The following EYS variants were observed in gnomAD, a reference collection of about 807,000 sequenced individuals.
The protein encoded by EYS is EGF-like photoreceptor maintenance factor, also known as protein eyes shut homolog.
Under a neutral mutation model 282.1 loss-of-function variants are expected in EYS, and 250 were observed. The observed-to-expected ratio is 0.89, with a 90% CI of 0.80 to 0.98. The LOEUF (loss-of-function observed/expected upper bound fraction) is 0.98. EYS is among the 50% of genes least tolerant of loss of function. EYS has a pLI of 0.00. For missense variants in EYS, 4,016 were observed against 3,709.0 expected, an observed-to-expected ratio of 1.08 and a Z score of -2.15; for synonymous variants, 1,355 against 1,282.9, an observed-to-expected ratio of 1.06 and a Z score of -1.20.
intron 26 of EYS, among the ~76,000 whole-genome samples, chr6:64,497,475 A>G (rs1187311469): frequency 6.6e-6 from 1 of 152,180 alleles, no homozygotes; most frequent in African/African-American, 2.4e-5. Context: ...AGATGGGCAC[A>G]GTGTGATTGC....
At chr6:63,765,412 T>A (rs1769762415) in intron 40 of EYS, among the ~76,000 whole-genome samples, 1 of 151,694 alleles carries the variant, frequency 6.6e-6, no homozygotes, top group South Asian at 2.1e-4. Context: ...AGAGTGAGAT[T>A]TGCCCGTATA....
intron 35 of EYS, among the ~76,000 whole-genome samples, chr6:63,891,288 G>C (rs1187768663): frequency 2.0e-5 from 3 of 152,104 alleles, no homozygotes; most frequent in African/African-American, 7.2e-5. Context: ...AGCAAAAAAA[G>C]ATCATTTCAG....
intron 22 of EYS, among the ~76,000 whole-genome samples, chr6:64,703,368 C>T (rs1327092866): frequency 3.2e-5 from 3 of 94,024 alleles, no homozygotes; most frequent in Non-Finnish European, 7.0e-5. Flanking sequence ...CATACACATA[C>T]AAACACACAC....
At chr6:65,655,723 A>G (rs146312939) in intron 1 of EYS, among the ~76,000 whole-genome samples, 2,073 of 151,888 alleles carry the variant, frequency 0.014, 16 homozygotes, top group African/African-American at 0.018. Context: ...ATGTGACTGA[A>G]TTGCTGCAAT....
intron 29 of EYS, among the ~76,000 whole-genome samples, chr6:64,364,173 T>A (rs1772116066): frequency 6.6e-6 from 1 of 151,880 alleles, no homozygotes; most frequent in East Asian, 1.9e-4. Flanking sequence ...AGGGACCACG[T>A]AATTCCATAA....
At chr6:64,916,709 G>T (rs991579994) in intron 15 of EYS, among the ~76,000 whole-genome samples, 1 of 152,044 alleles carries the variant, frequency 6.6e-6, no homozygotes, top group Non-Finnish European at 1.5e-5. Context: ...AAAATGCAAA[G>T]CACATACCGT....
chr6:64,902,144 T>G lies in EYS; in HGVS notation c.2815A>C (p.Asn939His). Residue 939 changes from asparagine (N) to histidine (H), a missense_variant, in exon 18 of 43, where the codon AAT becomes CAT. Physicochemically the swap from Asn to His is moderately conservative, Grantham distance 68. Transcript: ENST00000503581. ...GTCAGATCCACACATGTTCCATTAT[T>G]TTTGCAAGGTTCAGAGGAACATTCA... ...INECSSEPCK[N>H]NGTCVDLTNR... 7 of 1,548,500 alleles carry G rather than the reference T, an allele frequency of 4.5e-6. No individual in the cohort carries two copies. Among genetic ancestry groups the G allele is most frequent in the Non-Finnish European group, 6.1e-6 (7 of 1,145,968 alleles).
At chr6:63,823,545 A>C (rs79755373) in intron 36 of EYS, among the ~76,000 whole-genome samples, 1 of 152,268 alleles carries the variant, frequency 6.6e-6, no homozygotes, top group East Asian at 1.9e-4. Context: ...CTCTAAGAAA[A>C]AAATTTCTCA....
At chr6:64,280,545 A>G (rs1359849856) in intron 30 of EYS, among the ~76,000 whole-genome samples, 1 of 152,148 alleles carries the variant, frequency 6.6e-6, no homozygotes, top group African/African-American at 2.4e-5. Flanking sequence ...ACTCCACCAT[A>G]AATTTATACA....
At chr6:65,328,970 C>G (rs1431753373) in intron 11 of EYS, among the ~76,000 whole-genome samples, 1 of 151,070 alleles carries the variant, frequency 6.6e-6, no homozygotes, top group Admixed American at 6.6e-5. Flanking sequence ...GCATAAAAGG[C>G]TGCATGAAAC....
chr6:64,936,928 C>A (rs1419267816), intron 15 of EYS, among the ~76,000 whole-genome samples: 1 of 151,154 alleles, frequency 6.6e-6, no homozygotes, highest in Non-Finnish European at 1.5e-5. Context: ...TCAAACTTAC[C>A]AAAAGCTACA....
rs1170780466 is a variant in EYS, at chr6:64,864,388, T to C, written c.2992+22309A>G. Among the ~76,000 whole-genome samples, 21 of 116,548 alleles carry C rather than the reference T, an allele frequency of 1.8e-4. 1 individual carries two copies. Among genetic ancestry groups the C allele is most frequent in the Non-Finnish European group, 2.4e-4 (13 of 54,712 alleles). The allele number at this position is 116,548 out of a possible 152,430, so 76.5% of individuals were successfully genotyped here. On this transcript the variant is annotated intron_variant, in intron 19 of 42. Transcript: ENST00000503581. ...AAATACAGAGGTGCTATACCTTCTT[T>C]TTTTTTTTTTTTTTTTTTGACAGAA...
At chr6:64,295,430 GAA>G (rs1768903448) in intron 30 of EYS, among the ~76,000 whole-genome samples, 3 of 38 alleles carry the variant, frequency 0.079, no homozygotes, top group African/African-American at 0.12. Flanking sequence ...AGAAGAAGAA[GAA>G]GAGGAAGAAG....
intron 26 of EYS, among the ~76,000 whole-genome samples, chr6:64,544,000 C>T (rs994685898): frequency 6.6e-6 from 1 of 152,132 alleles, no homozygotes; most frequent in Non-Finnish European, 1.5e-5. Flanking sequence ...ATTTCTTATT[C>T]ATAGAAAGAA....
chr6:63,743,586 CAG>C (rs771103014), intron 41 of EYS, among the ~76,000 whole-genome samples: 46 of 152,230 alleles, frequency 3.0e-4, no homozygotes, highest in Non-Finnish European at 6.0e-4. Context: ...GATGGAAGGA[CAG>C]GGCAATTTTT....
chr6:63,903,885 C>G (rs988127399), intron 35 of EYS, among the ~76,000 whole-genome samples: 1 of 152,144 alleles, frequency 6.6e-6, no homozygotes, highest in Non-Finnish European at 1.5e-5. Flanking sequence ...GAAGGACACA[C>G]AAAAGACTGT....
chr6:64,691,205 G>A lies in EYS; in HGVS notation c.3444-64960C>T, dbSNP rs938110657. Among the ~76,000 whole-genome samples the A allele has an allele frequency of 1.1e-4, 16 of 152,226 alleles. 1 individual carries two copies. The highest frequency in any genetic ancestry group is 5.9e-4 in the Admixed American group (9 of 15,278). On this transcript the variant is annotated intron_variant, in intron 22 of 42. Coordinates refer to ENST00000503581, the MANE Select transcript of EYS (RefSeq NM_001142800.2). ...TACGCATGTAACATTAGATTTCATA[G>A]TGAAATATTAACTATGCAGTCTTTA...
intron 31 of EYS, among the ~76,000 whole-genome samples, chr6:64,111,865 A>T (rs3003669): frequency 0.44 from 67,161 of 151,812 alleles, 17,039 homozygotes; most frequent in African/African-American, 0.7. Flanking sequence ...ATATTATGGA[A>T]GCATAAATAC....
At chr6:65,126,118 G>GT (rs1207817576) in intron 12 of EYS, among the ~76,000 whole-genome samples, 1 of 152,008 alleles carries the variant, frequency 6.6e-6, no homozygotes, top group African/African-American at 2.4e-5. Context: ...TTTGTTGTTT[G>GT]TTTTTTACAG....
Sources: allele counts gnomAD v4.1 joint callset (sites outside exome capture counted in the v4.1 genomes callset), GRCh38; gene constraint gnomAD v4.1.1; transcripts MANE v1.5; gene names NCBI Gene and HGNC (gene_info 2026-07-23, HGNC 2026-07-21).